The following CPPED1 variants were observed in gnomAD, a reference collection of about 807,000 sequenced individuals.
CPPED1 encodes calcineurin like phosphoesterase domain containing 1.
Under a neutral mutation model 28.0 loss-of-function variants are expected in CPPED1, and 28 were observed. The ratio of observed to expected loss-of-function variants is 1.00; its 90% CI spans 0.74 to 1.37. The LOEUF (loss-of-function observed/expected upper bound fraction) is 1.37. Ranked by LOEUF, CPPED1 falls within the 40% of genes most tolerant of loss-of-function variation. The pLI is 0.00. For synonymous variants in CPPED1, 198 were observed against 180.2 expected (o/e 1.10, Z -0.79); for missense variants, 504 against 416.5 (o/e 1.21, Z -1.83).
At chr16:12,750,267 G>T (rs1327305350) in intron 2 of CPPED1, among the ~76,000 whole-genome samples, 4 of 152,216 alleles carry the variant, frequency 2.6e-5, no homozygotes, top group Admixed American at 2.6e-4. Flanking sequence ...GGCACAAGAA[G>T]CCTAGCTTTC....
intron 3 of CPPED1, among the ~76,000 whole-genome samples, chr16:12,703,077 C>T (rs1177321779): frequency 2.0e-5 from 3 of 151,574 alleles, no homozygotes; most frequent in East Asian, 1.9e-4. Context: ...ATTAAATGTT[C>T]TCTCTGGCTT....
intron 1 of CPPED1, among the ~76,000 whole-genome samples, chr16:12,802,878 T>C (rs982013497): frequency 6.6e-5 from 10 of 152,198 alleles, no homozygotes; most frequent in Middle Eastern, 6.8e-3. Context: ...CTGAAGGAAG[T>C]GGACACAAGC....
chr16:12,675,246 T>C (rs2079872110), intron 3 of CPPED1, among the ~76,000 whole-genome samples: 1 of 152,224 alleles, frequency 6.6e-6, no homozygotes. Context: ...CAGTCATCTG[T>C]GGCTGACATG....
chr16:12,713,528 G>A (rs1411090620), intron 2 of CPPED1, among the ~76,000 whole-genome samples: 1 of 152,000 alleles, frequency 6.6e-6, no homozygotes, highest in Non-Finnish European at 1.5e-5. Context: ...ACAACACCCA[G>A]CCAATTTTTG....
At chr16:12,761,934 G>A (rs1315646287) in intron 2 of CPPED1, among the ~76,000 whole-genome samples, 1 of 151,644 alleles carries the variant, frequency 6.6e-6, no homozygotes, top group East Asian at 1.9e-4. Context: ...AGAATCACTT[G>A]AACACATGAG....
At chr16:12,781,045 T>C (rs898980389) in intron 2 of CPPED1, 140 bp downstream of exon 2, 32 of 668,008 alleles carry the variant, frequency 4.8e-5, no homozygotes, top group African/African-American at 2.7e-4. Flanking sequence ...TGTTCAATGA[T>C]ACTGCAACAA....
At chr16:12,754,613 C>G (rs1005202641) in intron 2 of CPPED1, among the ~76,000 whole-genome samples, 2 of 152,212 alleles carry the variant, frequency 1.3e-5, no homozygotes, top group Non-Finnish European at 2.9e-5. Context: ...TCCAATTTCA[C>G]AGGACCTTCT....
chr16:12,671,932 G>A lies in CPPED1; in HGVS notation c.716-6817C>T, dbSNP rs1357962294. Among the ~76,000 whole-genome samples the A allele has an allele frequency of 2.0e-5, 3 of 152,326 alleles. No individual in the cohort carries two copies. In the East Asian group the frequency reaches 5.8e-4, roughly 29 times the overall value. On this transcript the variant is annotated intron_variant, in intron 3 of 3. Coordinates refer to ENST00000381774, the MANE Select transcript of CPPED1 (RefSeq NM_018340.3). The stretch of plus-strand genomic sequence containing the variant: ...GCCATATATGAAGGGGGTCCCGTAA[G>A]ATTATAATGCTGTATTTTCACTGTA...
intron 1 of CPPED1, among the ~76,000 whole-genome samples, chr16:12,791,871 AT>A (rs1244197753): frequency 6.6e-6 from 1 of 152,146 alleles, no homozygotes; most frequent in Admixed American, 6.6e-5. Context: ...TGGTGAAGAA[AT>A]GGATGAAGAC....
rs2080068875 is a variant in CPPED1 at position 12,709,525 on chromosome 16, C to T, written c.290-4476G>A. Among the ~76,000 whole-genome samples, 1 of 152,104 alleles carries T rather than the reference C, an allele frequency of 6.6e-6. No homozygotes were observed. The highest frequency in any genetic ancestry group is 1.5e-5 in the Non-Finnish European group (1 of 68,010). On this transcript the variant is annotated intron_variant, in intron 2 of 3. Transcript: ENST00000381774. This position sits in a 1 kb window ranked among gnomAD's most constrained non-coding sequence, Gnocchi z 4.4. ...CAAAATAAAACTAGGAGGTAAAAAG[C>T]ATGATAACGATAATTACAAAATTCT...
Position 12,661,750 on chromosome 16 carries a change from G to A in CPPED1, c.*3136C>T, listed in dbSNP as rs1394129194. 6.6e-6 allele frequency: 1 copy of A among 152,436 alleles called. No individual in the cohort carries two copies. The highest frequency in any genetic ancestry group is 1.5e-5 in the Non-Finnish European group (1 of 68,258). The allele number at this position is 152,436 out of a possible 1,614,324, so 9.4% of individuals were successfully genotyped here. On this transcript the variant is annotated 3_prime_UTR_variant, in exon 4 of 4. Coordinates refer to ENST00000381774, the MANE Select transcript of CPPED1 (RefSeq NM_018340.3). ...AGGGCTGTGTCCCGTGACTCATTAT[G>A]GTTCAGTTCGGTTTCTAAATCTCCC...
chr16:12,704,383 C>G (rs117338955), intron 3 of CPPED1, among the ~76,000 whole-genome samples: 1,968 of 152,226 alleles, frequency 0.013, 25 homozygotes, highest in Admixed American at 0.024. Context: ...CTCATTTAAT[C>G]CTTGACACCA....
intron 2 of CPPED1, among the ~76,000 whole-genome samples, chr16:12,738,087 G>A (rs1471515368): frequency 6.6e-6 from 1 of 152,164 alleles, no homozygotes; most frequent in Non-Finnish European, 1.5e-5. Context: ...TTTAGAAAAT[G>A]TTAAGAATTC....
At chr16:12,753,034 C>G (rs1226598306) in intron 2 of CPPED1, 2 of 151,968 alleles carry the variant, frequency 1.3e-5, no homozygotes, top group Non-Finnish European at 2.9e-5. Flanking sequence ...TTCAGTTAAG[C>G]AAATTCAACA....
intron 3 of CPPED1, among the ~76,000 whole-genome samples, chr16:12,676,949 G>A (rs1408437602): frequency 6.6e-6 from 1 of 152,118 alleles, no homozygotes; most frequent in African/African-American, 2.4e-5. Context: ...TGTAAGTGTT[G>A]AAGCAGGATC....
chr16:12,800,786 T>C (rs1371909575), intron 1 of CPPED1, among the ~76,000 whole-genome samples: 1 of 152,144 alleles, frequency 6.6e-6, no homozygotes, highest in East Asian at 1.9e-4. Flanking sequence ...CATCCTGCCA[T>C]GTCCTAGGAC....
At chr16:12,686,246 T>A (rs866091338) in intron 3 of CPPED1, among the ~76,000 whole-genome samples, 5,925 of 151,826 alleles carry the variant, frequency 0.039, 221 homozygotes, top group African/African-American at 0.095. Context: ...TATATATTTT[T>A]TTTTTTGAGA....
rs2079817710 is a variant in CPPED1, at chr16:12,665,041, A to T, written c.790T>A (p.Ser264Thr). The T allele has an allele frequency of 6.2e-7, 1 of 1,610,548 alleles. No individual in the cohort carries two copies. The highest frequency in any genetic ancestry group is 8.5e-7 in the Non-Finnish European group (1 of 1,178,948). Residue 264 changes from serine to threonine, a missense_variant, in exon 4 of 4, where the codon TCA becomes ACA. Coordinates refer to ENST00000381774, the MANE Select transcript of CPPED1 (RefSeq NM_018340.3). ...CCCAGCTGGCATCCAATGGCAGATG[A>T]CACCACCATGTCGAGGTTCTGGTAG... ...GTYQNLDMVV[S>T]SAIGCQLGRD...
At chr16:12,708,622 T>A (rs1250083157) in intron 2 of CPPED1, among the ~76,000 whole-genome samples, 2 of 152,142 alleles carry the variant, frequency 1.3e-5, no homozygotes, top group Non-Finnish European at 2.9e-5. Context: ...AATAAAAGAG[T>A]AAATCCTAGA....
Sources: allele counts gnomAD v4.1 joint callset (sites outside exome capture counted in the v4.1 genomes callset), GRCh38; gene constraint gnomAD v4.1.1; non-coding constraint Gnocchi (gnomAD v3.1); transcripts MANE v1.5; gene names NCBI Gene and HGNC (gene_info 2026-07-23, HGNC 2026-07-21).